STAB2: variants seen among roughly 807,000 people sequenced by gnomAD.
The protein encoded by STAB2 is stabilin-2.
STAB2 carries 288 observed loss-of-function variants against 338.1 expected under a neutral mutation model. That is an observed-to-expected ratio of 0.85 (90% CI 0.77 to 0.94). STAB2 has a LOEUF of 0.94. STAB2 is among the 40% of genes least tolerant of loss of function. The pLI, the probability that STAB2 is intolerant of heterozygous loss-of-function variation, is 0.00. For synonymous variants in STAB2, 1,202 were observed against 1,193.3 expected (o/e 1.01, Z -0.15); for missense variants, 3,141 against 3,210.1 (o/e 0.98, Z 0.52).
chr12:103,759,078 G>C, intron 64 of STAB2, 55 bp from the exon 65 acceptor site: 1 of 1,613,438 alleles, frequency 6.2e-7, no homozygotes, highest in South Asian at 1.1e-5. Context: ...TCATTAAAAA[G>C]ACAAAATATT....
At chr12:103,692,645 GA>G (rs1313989394) in intron 30 of STAB2, among the ~76,000 whole-genome samples, 166 bp from the exon 31 acceptor site, 128 of 152,226 alleles carry the variant, frequency 8.4e-4, no homozygotes, top group Non-Finnish European at 1.4e-3. Context: ...GAGAGAGAGA[GA>G]GAGAGGGGTC....
chr12:103,689,050 A>G (rs149850586), intron 28 of STAB2, among the ~76,000 whole-genome samples: 30 of 151,942 alleles, frequency 2.0e-4, no homozygotes, highest in African/African-American at 5.8e-4. Context: ...GTTGTTAAAC[A>G]TGCCACTGCT....
intron 39 of STAB2, 132 bp downstream of exon 39, chr12:103,708,668 C>T: frequency 1.2e-6 from 1 of 818,912 alleles, no homozygotes; most frequent in Non-Finnish European, 1.9e-6. Flanking sequence ...TTTCTTGCAG[C>T]AAAAAGTTTG....
chr12:103,703,415 C>A, intron 35 of STAB2, 139 bp downstream of exon 35: 2 of 1,109,836 alleles, frequency 1.8e-6, no homozygotes, highest in Non-Finnish European at 2.5e-6. Context: ...TTTGATGTGC[C>A]AAGGAGCATA....
At chr12:103,587,642 T>A in intron 1 of STAB2, 85 bp downstream of exon 1, 4 of 1,114,460 alleles carry the variant, frequency 3.6e-6, no homozygotes, top group Non-Finnish European at 4.0e-6. Flanking sequence ...TTGTTATGGG[T>A]AAAGGGTGAA....
chr12:103,609,961 T>G (rs1254367789), intron 3 of STAB2, among the ~76,000 whole-genome samples: 1 of 152,246 alleles, frequency 6.6e-6, no homozygotes, highest in East Asian at 1.9e-4. Flanking sequence ...GTTTTTGTCA[T>G]TGGTTCTGTT....
chr12:103,711,625 A>T, intron 40 of STAB2, 109 bp downstream of exon 40: 2 of 1,284,308 alleles, frequency 1.6e-6, no homozygotes, highest in Non-Finnish European at 1.1e-6. Context: ...ACCATTTCTG[A>T]GGGCTTAGGA....
chr12:103,750,302 C>T (rs1010119500), intron 59 of STAB2, among the ~76,000 whole-genome samples: 1 of 152,124 alleles, frequency 6.6e-6, no homozygotes, highest in African/African-American at 2.4e-5. Flanking sequence ...ATAAATCAGG[C>T]CAATGTGATA....
intron 33 of STAB2, among the ~76,000 whole-genome samples, chr12:103,696,988 C>A (rs1236707650): frequency 6.6e-6 from 1 of 152,160 alleles, no homozygotes; most frequent in African/African-American, 2.4e-5. Flanking sequence ...CACGATTGAA[C>A]TGAAAACGGT....
chr12:103,640,566 A>C (rs908691937), intron 9 of STAB2, among the ~76,000 whole-genome samples: 2 of 152,204 alleles, frequency 1.3e-5, no homozygotes, highest in African/African-American at 4.8e-5. Context: ...ATGGTTGTTG[A>C]GATTACAGGG....
At chr12:103,671,923 G>A (rs1424221505) in intron 22 of STAB2, among the ~76,000 whole-genome samples, 1 of 152,108 alleles carries the variant, frequency 6.6e-6, no homozygotes, top group Non-Finnish European at 1.5e-5. Flanking sequence ...AGCTCGTTGT[G>A]GAGTCAGACC....
At chr12:103,703,124 G>A in intron 34 of STAB2, 24 bp from the exon 35 acceptor site, 1 of 1,602,670 alleles carries the variant, frequency 6.2e-7, no homozygotes, top group Non-Finnish European at 8.5e-7. Flanking sequence ...CATAAAAAGT[G>A]ACATTTAACC....
chr12:103,745,632 C>A (rs1316916625), intron 57 of STAB2, among the ~76,000 whole-genome samples: 1 of 152,098 alleles, frequency 6.6e-6, no homozygotes, highest in Non-Finnish European at 1.5e-5. Flanking sequence ...ATGGAAATCA[C>A]TTTGAAGGCC....
Position 103,685,456 on chromosome 12 carries a change from G to GTGTGCA in STAB2, c.2997+372_2997+373insTGTGCA, listed in dbSNP as rs1238129096. Among the ~76,000 whole-genome samples the GTGTGCA allele has an allele frequency of 5.6e-3, 603 of 108,578 alleles. 1 individual carries two copies. The highest frequency in any genetic ancestry group is 0.01 in the Non-Finnish European group (463 of 46,208). 71.2% of individuals were successfully genotyped at this position (108,578 alleles called of 152,430 possible). A position where few individuals can be genotyped will look rare whatever the true frequency, so the allele number is the denominator to read the frequency against. On this transcript the variant is annotated intron_variant, in intron 27 of 68. Coordinates refer to ENST00000388887, the MANE Select transcript of STAB2 (RefSeq NM_017564.10). The stretch of plus-strand genomic sequence containing the variant: ...TGTGTGTGTGTGTGTGTGTGTGTGC[G>GTGTGCA]CGTGCGTGTGTGTGTGCGTGCGCGC...
chr12:103,633,807 T>C (rs1677979), intron 6 of STAB2, among the ~76,000 whole-genome samples: 101,490 of 152,088 alleles, frequency 0.67, 34,227 homozygotes, highest in Non-Finnish European at 0.72. Context: ...TTTGTTTTTT[T>C]ATTTTTGCCC....
At chr12:103,605,859 T>C (rs563522664) in intron 3 of STAB2, among the ~76,000 whole-genome samples, 1 of 152,188 alleles carries the variant, frequency 6.6e-6, no homozygotes, top group South Asian at 2.1e-4. Context: ...ATTTAAAATA[T>C]ACAATTTTGT....
At position 103,680,113 on chromosome 12, in the gene STAB2, C is replaced by T. The variant is rs143943935; in HGVS notation, c.2805+2502C>T. ...AGACAGAAAGGAGAATGGTGGCTGC[C>T]GGGAGCTAGAGTAGGGAGAGGAACG... On this transcript the variant is annotated intron_variant, in intron 25 of 68. Transcript: ENST00000388887. Among the ~76,000 whole-genome samples, 1,117 of 152,128 alleles carry T rather than the reference C, an allele frequency of 7.3e-3. 9 individuals carry two copies. The highest frequency in any genetic ancestry group is 0.012 in the Non-Finnish European group (798 of 68,002).
intron 56 of STAB2, among the ~76,000 whole-genome samples, 176 bp downstream of exon 56, chr12:103,742,730 A>G (rs956703831): frequency 1.3e-5 from 2 of 152,146 alleles, no homozygotes; most frequent in South Asian, 2.1e-4. Context: ...CCAGTTTCCA[A>G]TGAAAAAGCT....
At chr12:103,717,077 G>A (rs1391773004) in intron 43 of STAB2, among the ~76,000 whole-genome samples, 3 of 152,238 alleles carry the variant, frequency 2.0e-5, no homozygotes, top group African/African-American at 7.2e-5. Context: ...AGGCCCTTGT[G>A]TGAGTTAGAA....
Sources: allele counts gnomAD v4.1 joint callset (sites outside exome capture counted in the v4.1 genomes callset), GRCh38; gene constraint gnomAD v4.1.1; transcripts MANE v1.5; gene names NCBI Gene and HGNC (gene_info 2026-07-23, HGNC 2026-07-21).